The following NAT1 variants were observed in gnomAD, a reference collection of about 807,000 sequenced individuals.
NAT1 encodes arylamine N-acetyltransferase 1.
For missense variants in NAT1, 400 were observed against 339.2 expected (o/e 1.18, Z -1.41); for synonymous variants, 144 against 122.6 (o/e 1.17, Z -1.16).
intron 2 of NAT1, among the ~76,000 whole-genome samples, chr8:18,178,434 C>T (rs1405225474): frequency 6.6e-6 from 1 of 152,048 alleles, no homozygotes; most frequent in Non-Finnish European, 1.5e-5. Flanking sequence ...GAGTTAGAAT[C>T]AACTTGATAA....
In NAT1 at chr8:18,177,765, T is replaced by C. The variant is rs118116114; in HGVS notation, n.92+7026T>C. ...GAAGTCTTAGTTTTCAGTTTTAGAT[T>C]ACGCAGGTTGCAACTTTATTAACAT... On this transcript the variant is annotated intron_variant and non_coding_transcript_variant, in intron 2 of 4. Transcript: ENST00000517441. Among the ~76,000 whole-genome samples, 1,380 of 152,258 alleles carry C rather than the reference T, an allele frequency of 9.1e-3. 8 individuals are homozygous for C. Among genetic ancestry groups the C allele is most frequent in the Middle Eastern group, 0.071 (21 of 294 alleles).
upstream of NAT1, chr8:18,210,033 C>T (rs1043045401): frequency 6.6e-6 from 1 of 152,148 alleles, no homozygotes; most frequent in Non-Finnish European, 1.5e-5. Flanking sequence ...TGGGGTAACC[C>T]TAATGTGACT....
At chr8:18,212,289 A>G (rs1412939245) in intron 1 of NAT1, 1 of 152,222 alleles carries the variant, frequency 6.6e-6, no homozygotes, top group Non-Finnish European at 1.5e-5. Flanking sequence ...ACTAAACAAT[A>G]TTCATGAACT....
intron 2 of NAT1, among the ~76,000 whole-genome samples, chr8:18,183,973 T>G (rs1280818835): frequency 6.6e-6 from 1 of 152,168 alleles, no homozygotes; most frequent in Admixed American, 6.5e-5. Flanking sequence ...AGTTGGAGTC[T>G]CATGCCTGTG....
intron 2 of NAT1, among the ~76,000 whole-genome samples, chr8:18,174,333 T>C (rs1031920045): frequency 6.6e-6 from 1 of 152,156 alleles, no homozygotes; most frequent in Admixed American, 6.6e-5. Context: ...CCCTTGCTAA[T>C]GAAGATTAAA....
intron 1 of NAT1, among the ~76,000 whole-genome samples, chr8:18,213,586 A>G (rs4921581): frequency 0.55 from 82,952 of 151,972 alleles, 24,962 homozygotes; most frequent in Non-Finnish European, 0.69. Flanking sequence ...TCACTCCTGC[A>G]AACATTTTAT....
chr8:18,213,397 G>C (rs892575040), intron 1 of NAT1, among the ~76,000 whole-genome samples: 1 of 152,040 alleles, frequency 6.6e-6, no homozygotes, highest in Non-Finnish European at 1.5e-5. Context: ...AATATGTTCT[G>C]TTAAAAATCT....
chr8:18,196,569 C>T (rs190049565), intron 2 of NAT1, among the ~76,000 whole-genome samples: 70 of 152,230 alleles, frequency 4.6e-4, no homozygotes, highest in East Asian at 1.7e-3. Flanking sequence ...TACTTATTAC[C>T]GATACATCTG....
rs114839722 is a variant in NAT1, at chr8:18,185,820, C to T, written n.92+15081C>T. ...TAAATTATTCCTTTAAGTATTGCTT[C>T]GGCTATGTCCCCAAAATTTGATATG... On this transcript the variant is annotated intron_variant and non_coding_transcript_variant, in intron 2 of 4. Coordinates refer to the NAT1 transcript ENST00000517441. Among the ~76,000 whole-genome samples, 1,072 of 152,116 alleles carry T rather than the reference C, an allele frequency of 7.0e-3. 13 individuals are homozygous for T. The highest frequency in any genetic ancestry group is 0.024 in the African/African-American group (996 of 41,512).
intron 2 of NAT1, among the ~76,000 whole-genome samples, chr8:18,171,963 T>C (rs1802113135): frequency 6.6e-6 from 1 of 152,226 alleles, no homozygotes; most frequent in South Asian, 2.1e-4. Flanking sequence ...GCCTCTTGAA[T>C]TCCATTCTAA....
At chr8:18,182,235 G>C (rs1802550406) in intron 2 of NAT1, among the ~76,000 whole-genome samples, 1 of 152,118 alleles carries the variant, frequency 6.6e-6, no homozygotes, top group South Asian at 2.1e-4. Flanking sequence ...TGTTCCTGTG[G>C]GGGGTGATTG....
upstream of NAT1, among the ~76,000 whole-genome samples, chr8:18,205,544 G>A (rs920877684): frequency 2.0e-5 from 3 of 152,188 alleles, no homozygotes; most frequent in African/African-American, 4.8e-5. Context: ...GTCTCCATCT[G>A]CAGTGATGGT....
At chr8:18,185,565 A>T (rs185383531) in intron 2 of NAT1, among the ~76,000 whole-genome samples, 11 of 152,178 alleles carry the variant, frequency 7.2e-5, no homozygotes, top group Admixed American at 6.5e-4. Context: ...GGTCAGTCTC[A>T]TCAGGGTTTA....
At chr8:18,210,918 G>T (rs1804035313) in intron 1 of NAT1, among the ~76,000 whole-genome samples, 1 of 152,280 alleles carries the variant, frequency 6.6e-6, no homozygotes, top group East Asian at 1.9e-4. Context: ...GTGATTACAG[G>T]CACCCGCCAC....
chr8:18,189,990 A>G (rs1342066154), intron 2 of NAT1, among the ~76,000 whole-genome samples: 2 of 152,198 alleles, frequency 1.3e-5, no homozygotes, highest in African/African-American at 2.4e-5. Flanking sequence ...GGTTTTCACC[A>G]TGTTCGCCAG....
In NAT1 at chr8:18,181,960, C is replaced by G. The variant is rs150832038; in HGVS notation, n.92+11221C>G. Reference sequence around the variant, plus strand: ...TGGGGGCTCTGCCTGTGCTGTGTTGCACCGTGGCAGGCCTGACTCTAAATT... The same window carrying G: ...TGGGGGCTCTGCCTGTGCTGTGTTGGACCGTGGCAGGCCTGACTCTAAATT... On this transcript the variant is annotated intron_variant and non_coding_transcript_variant, in intron 2 of 4. Coordinates refer to the NAT1 transcript ENST00000517441. Among the ~76,000 whole-genome samples, 259 of 152,234 alleles carry G rather than the reference C, an allele frequency of 1.7e-3. 2 individuals carry two copies. Among genetic ancestry groups the G allele is most frequent in the African/African-American group, 6.0e-3 (248 of 41,542 alleles).
intron 2 of NAT1, among the ~76,000 whole-genome samples, chr8:18,176,295 T>C (rs1008627160): frequency 1.3e-5 from 2 of 152,146 alleles, no homozygotes; most frequent in African/African-American, 4.8e-5. Context: ...ACCAATGTCA[T>C]GGAGAGTATC....
intron 2 of NAT1, among the ~76,000 whole-genome samples, chr8:18,174,193 T>G (rs989590588): frequency 6.6e-6 from 1 of 152,166 alleles, no homozygotes; most frequent in African/African-American, 2.4e-5. Context: ...ATTAGCCACA[T>G]GAATGTCTGT....
intron 2 of NAT1, among the ~76,000 whole-genome samples, chr8:18,203,437 G>C (rs527761773): frequency 6.6e-6 from 1 of 152,248 alleles, no homozygotes; most frequent in East Asian, 1.9e-4. Context: ...ATAAGTTTAG[G>C]CTATCTCTCC....
Sources: gnomAD v4.1 joint callset for allele counts (sites outside exome capture counted in the v4.1 genomes callset) on GRCh38, gnomAD v4.1.1 for gene constraint, MANE v1.5 for transcripts, NCBI Gene and HGNC (gene_info 2026-07-23, HGNC 2026-07-21) for gene names.